The following TTC7A variants were observed in gnomAD, a reference collection of about 807,000 sequenced individuals.
The protein encoded by TTC7A is tetratricopeptide repeat domain 7A, also known as tetratricopeptide repeat protein 7A.
TTC7A carries 110 observed loss-of-function variants against 103.7 expected under a neutral mutation model. The observed-to-expected ratio is 1.06, with a 90% CI of 0.91 to 1.24. TTC7A has a LOEUF of 1.24. Ranked by LOEUF, TTC7A falls within the 50% of genes most tolerant of loss-of-function variation. The pLI is 0.00. For missense variants in TTC7A, 1,340 were observed against 1,116.3 expected (o/e 1.20, Z -2.86); for synonymous variants, 521 against 467.9 (o/e 1.11, Z -1.47).
chr2:46,916,069 C>T, upstream of TTC7A: 2 of 985,460 alleles, frequency 2.0e-6, no homozygotes, highest in Non-Finnish European at 2.4e-6. Flanking sequence ...ACGCCGGAAG[C>T]CCTCAGGAAC....
intron 5 of TTC7A, among the ~76,000 whole-genome samples, chr2:46,986,996 C>A (rs556803784): frequency 6.6e-6 from 1 of 152,230 alleles, no homozygotes; most frequent in Non-Finnish European, 1.5e-5. Context: ...GAGTCTTGCC[C>A]TATTGATTCA....
At chr2:47,023,950 G>A (rs181202659) in intron 13 of TTC7A, among the ~76,000 whole-genome samples, 150 of 151,050 alleles carry the variant, frequency 9.9e-4, no homozygotes, top group African/African-American at 3.4e-3. Context: ...CTGCCCTGGT[G>A]CCTGACTTGT....
At position 47,006,721 on chromosome 2, in the gene TTC7A, G is replaced by A. The variant is rs1677446465; in HGVS notation, c.1284G>A (p.Gly428=). 1.2e-6 allele frequency: 2 copies of A among 1,613,248 alleles called. No homozygotes were observed. Among genetic ancestry groups the A allele is most frequent in the African/African-American group, 1.3e-5 (1 of 74,918 alleles). ...TGGCCCTCTCCATGGTGGCTTGTGG[G>A]AAGGTAAGGCCCAGGGGGCGCTAGG... The part of the protein sequence containing the change: ...YQVALSMVAC[G]KSAYAVSLLR... The change falls in exon 10 of 20, where the codon GGG becomes GGA. Residue 428 remains glycine, a synonymous_variant. Coordinates refer to ENST00000319190, the MANE Select transcript of TTC7A (RefSeq NM_020458.4).
At chr2:46,980,216 C>CTTTTT (rs5830931) in intron 5 of TTC7A, among the ~76,000 whole-genome samples, 1 of 124,124 alleles carries the variant, frequency 8.1e-6, no homozygotes, top group African/African-American at 3.0e-5. Context: ...TACTCTCTCT[C>CTTTTT]TTTTTTTTTT....
intron 10 of TTC7A, among the ~76,000 whole-genome samples, chr2:47,010,315 C>A (rs1677905259): frequency 6.6e-6 from 1 of 152,170 alleles, no homozygotes; most frequent in Non-Finnish European, 1.5e-5. Flanking sequence ...ATGCACATGG[C>A]TGTGTTCCAG....
chr2:46,990,058 C>A (rs1488050913), intron 5 of TTC7A, among the ~76,000 whole-genome samples: 1 of 152,216 alleles, frequency 6.6e-6, no homozygotes, highest in Non-Finnish European at 1.5e-5. Flanking sequence ...ACCTGCCGGC[C>A]CCCTGTAGGC....
intron 19 of TTC7A, among the ~76,000 whole-genome samples, chr2:47,065,363 A>G (rs1196006471): frequency 6.6e-6 from 1 of 152,278 alleles, no homozygotes; most frequent in Non-Finnish European, 1.5e-5. Flanking sequence ...ATTTAAAAGA[A>G]GCAATGAGAC....
rs1234466462 is a variant in TTC7A, at chr2:46,987,807, C to CGAGTGTGT, written c.765-5642_765-5641insAGTGTGTG. Among the ~76,000 whole-genome samples the CGAGTGTGT allele has an allele frequency of 6.3e-3, 691 of 110,092 alleles. 4 individuals carry two copies. The highest frequency in any genetic ancestry group is 0.022 in the African/African-American group (654 of 29,132). 72.2% of individuals were successfully genotyped at this position (110,092 alleles called of 152,430 possible). A position where few individuals can be genotyped will look rare whatever the true frequency, so the allele number is the denominator to read the frequency against. On this transcript the variant is annotated intron_variant, in intron 5 of 19. Coordinates refer to ENST00000319190, the MANE Select transcript of TTC7A (RefSeq NM_020458.4). Reference sequence around the variant, plus strand: ...CCGGTGAAAGCACTGTCCCTTTCCGCGCGTGTGTGTGTGTGTGTGTGTGTG... The same window carrying CGAGTGTGT: ...CCGGTGAAAGCACTGTCCCTTTCCGCGAGTGTGTGCGTGTGTGTGTGTGTGTGTGTGTG...
intron 3 of TTC7A, among the ~76,000 whole-genome samples, chr2:46,963,667 T>A (rs1672581363): frequency 6.6e-6 from 1 of 152,248 alleles, no homozygotes; most frequent in South Asian, 2.1e-4. Flanking sequence ...AAGGAGGGAC[T>A]GGATATTTAT....
At position 47,006,314 on chromosome 2, in the gene TTC7A, T is replaced by C. The variant is rs563180626; in HGVS notation, c.1203+255T>C. Among the ~76,000 whole-genome samples, 96 of 152,310 alleles carry C rather than the reference T, an allele frequency of 6.3e-4. 1 individual carries two copies. The highest frequency in any genetic ancestry group is 2.2e-3 in the African/African-American group (91 of 41,560). On this transcript the variant is annotated intron_variant, in intron 9 of 19. Coordinates refer to ENST00000319190, the MANE Select transcript of TTC7A (RefSeq NM_020458.4). ...CAGTGCCATGCACAGTAATAATAAA[T>C]GTTCGCTGCTATTTTTATTACATGT...
At chr2:46,987,655 C>T (rs2104341168) in intron 5 of TTC7A, among the ~76,000 whole-genome samples, 1 of 152,314 alleles carries the variant, frequency 6.6e-6, no homozygotes, top group South Asian at 2.1e-4. Context: ...AGGTTTTGTG[C>T]TTGTTCTTTT....
Position 46,941,422 on chromosome 2 carries a change from G to T in TTC7A, c.-120G>T. On this transcript the variant is annotated 5_prime_UTR_variant, in exon 1 of 20. Transcript: ENST00000319190. The surrounding 1 kb of genome is among the most constrained non-coding windows in gnomAD (Gnocchi z 4.2). ...CGCCCGGGCCCCCGCTGCCGCCCGGGCCCCGGCTGCCGTCTGCGCCCCCGT... is the reference window on the plus strand; with the variant it reads ...CGCCCGGGCCCCCGCTGCCGCCCGGTCCCCGGCTGCCGTCTGCGCCCCCGT... 1.8e-6 allele frequency: 2 copies of T among 1,088,666 alleles called. No homozygotes were observed. The highest frequency in any genetic ancestry group is 4.1e-5 in the South Asian group (1 of 24,098). 67.4% of individuals were successfully genotyped at this position (1,088,666 alleles called of 1,614,324 possible).
At chr2:46,985,425 CAGA>C (rs1347928759) in intron 5 of TTC7A, among the ~76,000 whole-genome samples, 5 of 152,230 alleles carry the variant, frequency 3.3e-5, no homozygotes, top group Non-Finnish European at 7.3e-5. Flanking sequence ...CCATCCAGCC[CAGA>C]GGAGCTGGAG....
intron 2 of TTC7A, among the ~76,000 whole-genome samples, chr2:46,933,253 G>A (rs1450450054): frequency 1.3e-5 from 2 of 152,156 alleles, no homozygotes; most frequent in East Asian, 1.9e-4. Context: ...ATGGTGGGAG[G>A]GAGGGCAGTG....
In TTC7A at chr2:47,072,508, C is replaced by T. The variant is rs144393725; in HGVS notation, c.2356-1194C>T. Among the ~76,000 whole-genome samples, 1,064 of 152,370 alleles carry T rather than the reference C, an allele frequency of 7.0e-3. 6 individuals carry two copies. Among genetic ancestry groups the T allele is most frequent in the Middle Eastern group, 0.014 (4 of 294 alleles). On this transcript the variant is annotated intron_variant, in intron 19 of 19. Transcript: ENST00000319190. ...CCAGGCATGCGCATCTTCCCCAGCG[C>T]GTCTCCATAGCAACAGAGGGCCTAA...
At chr2:47,026,876 A>G (rs1249837044) in intron 14 of TTC7A, among the ~76,000 whole-genome samples, 1 of 152,158 alleles carries the variant, frequency 6.6e-6, no homozygotes, top group Non-Finnish European at 1.5e-5. Flanking sequence ...CCAGCTGGGA[A>G]GTGGCAGAGC....
Position 47,060,849 on chromosome 2 carries a change from C to T in TTC7A, c.2233C>T (p.His745Tyr). 9 of 1,614,118 alleles carry T rather than the reference C, an allele frequency of 5.6e-6. No homozygotes were observed. The highest frequency in any genetic ancestry group is 6.8e-6 in the Non-Finnish European group (8 of 1,179,966). Residue 745 changes from histidine to tyrosine, a missense_variant, in exon 19 of 20, where the codon CAC (histidine) becomes TAC (tyrosine). His to Tyr is a moderately conservative substitution (Grantham distance 83, BLOSUM62 2). Coordinates refer to ENST00000319190, the MANE Select transcript of TTC7A (RefSeq NM_020458.4). Reference sequence around the variant, plus strand: ...GGCGGCGGGCCTCTTCCCCACTTCTCACTCAGTACTCTATATGCGGGGCCG... The same window carrying T: ...GGCGGCGGGCCTCTTCCCCACTTCTTACTCAGTACTCTATATGCGGGGCCG... ...QEAAGLFPTS[H>Y]SVLYMRGRLA...
At chr2:46,960,342 T>A (rs1672261539) in intron 3 of TTC7A, among the ~76,000 whole-genome samples, 1 of 152,358 alleles carries the variant, frequency 6.6e-6, no homozygotes, top group South Asian at 2.1e-4. Flanking sequence ...CAGAATCCCC[T>A]GTTTGATTCT....
At chr2:47,071,988 T>G (rs541084259) in intron 19 of TTC7A, among the ~76,000 whole-genome samples, 1 of 152,214 alleles carries the variant, frequency 6.6e-6, no homozygotes, top group Non-Finnish European at 1.5e-5. Flanking sequence ...CTCACAGGGC[T>G]CAAACCCTCC....
Sources: allele counts gnomAD v4.1 joint callset (sites outside exome capture counted in the v4.1 genomes callset), GRCh38; gene constraint gnomAD v4.1.1; non-coding constraint Gnocchi (gnomAD v3.1); transcripts MANE v1.5; gene names NCBI Gene and HGNC (gene_info 2026-07-23, HGNC 2026-07-21).